Variants in GRID2 observed in about 807,000 individuals in gnomAD.
GRID2 encodes the protein glutamate receptor ionotropic, delta-2.
Under a neutral mutation model 114.8 loss-of-function variants are expected in GRID2, and 33 were observed. The observed-to-expected ratio is 0.29, with a 90% CI of 0.22 to 0.38. GRID2 has a LOEUF of 0.38. GRID2 is among the 10% of genes least tolerant of loss of function. The probability of loss-of-function intolerance (pLI) is 1.00; values close to 1 mark genes in which losing one functional copy is unlikely to be tolerated. For synonymous variants in GRID2, 505 were observed against 449.9 expected (o/e 1.12, Z -1.55); for missense variants, 1,184 against 1,257.7 (o/e 0.94, Z 0.89).
At chr4:92,580,645 C>G (rs558052631) in intron 1 of GRID2, among the ~76,000 whole-genome samples, 1 of 151,654 alleles carries the variant, frequency 6.6e-6, no homozygotes, top group Non-Finnish European at 1.5e-5. Flanking sequence ...TGAGTTTGAC[C>G]CTTCTAAGAG....
intron 4 of GRID2, among the ~76,000 whole-genome samples, chr4:93,142,597 GAC>G (rs1280796213): frequency 6.6e-6 from 1 of 152,178 alleles, no homozygotes; most frequent in African/African-American, 2.4e-5. Flanking sequence ...AATTGGAGAT[GAC>G]ACAAACCCTC....
intron 2 of GRID2, among the ~76,000 whole-genome samples, chr4:92,808,671 C>T (rs1447420560): frequency 2.6e-5 from 4 of 151,938 alleles, no homozygotes; most frequent in Admixed American, 2.6e-4. Context: ...CTGGAAATAA[C>T]TGAAGTATTG....
At chr4:93,194,161 G>A (rs1037123555) in intron 4 of GRID2, among the ~76,000 whole-genome samples, 1 of 152,128 alleles carries the variant, frequency 6.6e-6, no homozygotes, top group Non-Finnish European at 1.5e-5. Flanking sequence ...GATATAATTG[G>A]TTGTCTATAC....
intron 1 of GRID2, among the ~76,000 whole-genome samples, chr4:92,449,711 A>ATATATATATATATATATATATAT (rs1466326075): frequency 1.5e-5 from 2 of 130,134 alleles, no homozygotes; most frequent in Non-Finnish European, 3.2e-5. Flanking sequence ...ATATATATAT[A>ATATATATATATATATATATATAT]ACACTTAAGC....
At chr4:93,334,071 A>G (rs1472612139) in intron 8 of GRID2, among the ~76,000 whole-genome samples, 2 of 152,208 alleles carry the variant, frequency 1.3e-5, no homozygotes, top group Admixed American at 6.5e-5. Flanking sequence ...TAATGTGGAC[A>G]TATTGCCACA....
chr4:92,442,209 C>T (rs187784435), intron 1 of GRID2, among the ~76,000 whole-genome samples: 5 of 149,852 alleles, frequency 3.3e-5, no homozygotes, highest in Middle Eastern at 3.5e-3. Flanking sequence ...GCTTCCGAGG[C>T]GATCGGGCGG....
At chr4:92,405,106 G>T (rs1185585221) in intron 1 of GRID2, among the ~76,000 whole-genome samples, 9 of 152,148 alleles carry the variant, frequency 5.9e-5, no homozygotes, top group Admixed American at 5.2e-4. Flanking sequence ...GTGGTTGATA[G>T]CTCGAATGTC....
chr4:93,299,718 A>G (rs903590347), intron 8 of GRID2, among the ~76,000 whole-genome samples: 1 of 152,118 alleles, frequency 6.6e-6, no homozygotes, highest in Admixed American at 6.5e-5. Context: ...TATATATAAA[A>G]AAAGGATTAA....
intron 2 of GRID2, among the ~76,000 whole-genome samples, chr4:92,899,472 C>G (rs778792427): frequency 1.3e-5 from 2 of 152,134 alleles, no homozygotes; most frequent in African/African-American, 2.4e-5. Context: ...GAGCTACTTC[C>G]ATTATATAAC....
intron 14 of GRID2, among the ~76,000 whole-genome samples, chr4:93,684,661 C>T (rs1426695952): frequency 1.3e-5 from 2 of 152,128 alleles, no homozygotes; most frequent in Non-Finnish European, 2.9e-5. Context: ...GGGATGCTGG[C>T]TAAACCAGCC....
chr4:93,061,185 A>T, intron 2 of GRID2, among the ~76,000 whole-genome samples: 1 of 136,392 alleles, frequency 7.3e-6, no homozygotes, highest in Non-Finnish European at 1.6e-5. Context: ...TATATTCATC[A>T]GGTTTTTCTT....
At position 92,921,879 on chromosome 4, in the gene GRID2, T is replaced by G. The variant is rs569384301; in HGVS notation, c.245-163116T>G. Among the ~76,000 whole-genome samples the G allele has an allele frequency of 2.6e-3, 397 of 152,294 alleles. 2 individuals are homozygous for G. The highest frequency in any genetic ancestry group is 4.8e-3 in the Non-Finnish European group (324 of 68,004). Reference sequence around the variant, plus strand: ...ACCGCTACTCTCTTCAAAGCTGTCATACGGGTACATTTAAGTCTGCAGAGT... The same window carrying G: ...ACCGCTACTCTCTTCAAAGCTGTCAGACGGGTACATTTAAGTCTGCAGAGT... On this transcript the variant is annotated intron_variant, in intron 2 of 15. Transcript: ENST00000282020.
chr4:93,137,966 G>GTTTTTTTT (rs753814961), intron 4 of GRID2, among the ~76,000 whole-genome samples: 28 of 78,400 alleles, frequency 3.6e-4, no homozygotes, highest in South Asian at 5.5e-4. Context: ...TTTTTTCTTC[G>GTTTTTTTT]TTTTTTTTTT....
intron 5 of GRID2, 61 bp downstream of exon 5, chr4:93,207,518 C>G (rs746460897): frequency 1.1e-4 from 116 of 1,031,096 alleles, no homozygotes; most frequent in Non-Finnish European, 1.7e-4. Flanking sequence ...ATAATTGTAG[C>G]ATTTCCAATG....
At chr4:93,040,140 G>A (rs1287835683) in intron 2 of GRID2, among the ~76,000 whole-genome samples, 2 of 151,976 alleles carry the variant, frequency 1.3e-5, no homozygotes, top group Admixed American at 6.6e-5. Context: ...ATGTGTATAG[G>A]ATAGATAGAG....
intron 13 of GRID2, among the ~76,000 whole-genome samples, chr4:93,589,915 G>A (rs1401647562): frequency 6.6e-6 from 1 of 150,658 alleles, no homozygotes; most frequent in Non-Finnish European, 1.5e-5. Flanking sequence ...TTTTGTTCTT[G>A]TAAATTTGTT....
At chr4:92,712,117 A>G (rs1426142448) in intron 2 of GRID2, among the ~76,000 whole-genome samples, 1 of 145,476 alleles carries the variant, frequency 6.9e-6, no homozygotes, top group Non-Finnish European at 1.5e-5. Context: ...ACGAAAAATT[A>G]ATTCATAAAG....
chr4:93,047,881 AAC>A lies in GRID2; in HGVS notation c.245-37112_245-37111del, dbSNP rs144011534. Among the ~76,000 whole-genome samples the A allele has an allele frequency of 3.6e-3, 538 of 150,730 alleles. 3 individuals carry two copies. Among genetic ancestry groups the A allele is most frequent in the African/African-American group, 0.013 (518 of 40,720 alleles). On this transcript the variant is annotated intron_variant, in intron 2 of 15. Coordinates refer to ENST00000282020, the MANE Select transcript of GRID2 (RefSeq NM_001510.4). ...TGATGACTTAAAAAACAAACAAACA[AAC>A]AAAAAAAACACTCATCTAAGGAAAA...
At chr4:92,379,873 A>G (rs1729531030) in intron 1 of GRID2, among the ~76,000 whole-genome samples, 1 of 152,012 alleles carries the variant, frequency 6.6e-6, no homozygotes, top group African/African-American at 2.4e-5. Flanking sequence ...TAAATTATAT[A>G]TAGGTATTAA....
Sources: gnomAD v4.1 joint callset for allele counts (sites outside exome capture counted in the v4.1 genomes callset) on GRCh38, gnomAD v4.1.1 for gene constraint, MANE v1.5 for transcripts, NCBI Gene and HGNC (gene_info 2026-07-23, HGNC 2026-07-21) for gene names.